The following TRPM6 variants were observed in gnomAD, a reference collection of about 807,000 sequenced individuals.
The protein encoded by TRPM6 is channel kinase 2.
TRPM6 carries 111 observed loss-of-function variants against 247.6 expected under a neutral mutation model. The observed-to-expected ratio is 0.45, with a 90% CI of 0.38 to 0.52. The LOEUF is 0.52. Ranked by LOEUF, TRPM6 falls within the 20% of genes least tolerant of loss-of-function variation. The pLI, the probability that TRPM6 is intolerant of heterozygous loss-of-function variation, is 0.00. For missense variants in TRPM6, 2,126 were observed against 2,421.5 expected (o/e 0.88, Z 2.56); for synonymous variants, 892 against 853.8 (o/e 1.04, Z -0.78).
At chr9:74,813,123 T>C (rs2117913785) in intron 11 of TRPM6, among the ~76,000 whole-genome samples, 1 of 152,352 alleles carries the variant, frequency 6.6e-6, no homozygotes, top group South Asian at 2.1e-4. Context: ...CCATTTAGAC[T>C]CTACCTGGCT....
chr9:74,758,577 C>T lies in TRPM6; in HGVS notation c.4786-3104G>A, dbSNP rs370403581. Among the ~76,000 whole-genome samples, 5 of 152,022 alleles carry T rather than the reference C, an allele frequency of 3.3e-5. No homozygotes were observed. The East Asian group carries it at 5.8e-4, about 18-fold the overall frequency. On this transcript the variant is annotated intron_variant, in intron 27 of 38. Transcript: ENST00000360774. Reference sequence around the variant, plus strand: ...ATACAGAAAAAGCATTTGACAAAGGCTAATATCCATGAATGATAAAAATTC... The same window carrying T: ...ATACAGAAAAAGCATTTGACAAAGGTTAATATCCATGAATGATAAAAATTC...
At chr9:74,863,262 G>T (rs993416707) in intron 1 of TRPM6, among the ~76,000 whole-genome samples, 2 of 151,788 alleles carry the variant, frequency 1.3e-5, no homozygotes, top group East Asian at 4.0e-4. Flanking sequence ...GGCCAGGCTG[G>T]TCTCAAACTC....
intron 15 of TRPM6, among the ~76,000 whole-genome samples, chr9:74,802,824 C>T (rs1005259732): frequency 6.6e-6 from 1 of 152,142 alleles, no homozygotes; most frequent in Non-Finnish European, 1.5e-5. Context: ...TGATAAATCC[C>T]CATTCATCAT....
At chr9:74,838,550 C>CTCTA (rs1472960269) in intron 5 of TRPM6, among the ~76,000 whole-genome samples, 2 of 152,226 alleles carry the variant, frequency 1.3e-5, no homozygotes, top group African/African-American at 4.8e-5. Flanking sequence ...AGGCCCTTGC[C>CTCTA]TCTAGTACAC....
intron 19 of TRPM6, 28 bp from the exon 20 acceptor site, chr9:74,788,770 TGTGA>T: frequency 6.2e-7 from 1 of 1,612,262 alleles, no homozygotes; most frequent in South Asian, 1.1e-5. Flanking sequence ...ATTCCCCAGA[TGTGA>T]GTGAGAGCAA....
chr9:74,785,943 G>A lies in TRPM6; in HGVS notation c.2850C>T (p.Phe950=). The A allele has an allele frequency of 6.2e-7, 1 of 1,614,232 alleles. No homozygotes were observed. The highest frequency in any genetic ancestry group is 1.1e-5 in the South Asian group (1 of 91,088). The change falls in exon 21 of 39, where the codon TTC becomes TTT. Residue 950 remains phenylalanine (F), a synonymous_variant. Transcript: ENST00000360774. ...LIYCIDIIFW[F]SRLLDFFAVN... ...CAGCAAAGAAGTCCAGGAGCCGTGAGAACCAGAATATGATGTCTATGCAGT... is the reference window on the plus strand; with the variant it reads ...CAGCAAAGAAGTCCAGGAGCCGTGAAAACCAGAATATGATGTCTATGCAGT...
chr9:74,776,959 A>T (rs914377433), intron 23 of TRPM6, among the ~76,000 whole-genome samples: 2 of 152,204 alleles, frequency 1.3e-5, no homozygotes, highest in Admixed American at 1.3e-4. Context: ...AAACACAGAT[A>T]ACCCATAACT....
intron 21 of TRPM6, among the ~76,000 whole-genome samples, chr9:74,785,069 T>C (rs748056414): frequency 7.9e-5 from 12 of 152,260 alleles, no homozygotes; most frequent in Middle Eastern, 3.4e-3. Context: ...ATCGCACCAC[T>C]GCACTCCAGC....
intron 30 of TRPM6, among the ~76,000 whole-genome samples, chr9:74,749,804 G>A (rs1826176443): frequency 6.6e-6 from 1 of 152,206 alleles, no homozygotes; most frequent in Admixed American, 6.5e-5. Flanking sequence ...AGAAAGTCAT[G>A]TGTCCTTTAA....
At chr9:74,785,636 C>T (rs963980201) in intron 21 of TRPM6, among the ~76,000 whole-genome samples, 1 of 152,152 alleles carries the variant, frequency 6.6e-6, no homozygotes, top group Non-Finnish European at 1.5e-5. Flanking sequence ...TATTCTCCCG[C>T]CTCAGCCTCC....
chr9:74,732,588 T>C, intron 37 of TRPM6, 97 bp downstream of exon 37: 1 of 930,848 alleles, frequency 1.1e-6, no homozygotes, highest in Non-Finnish European at 1.7e-6. Flanking sequence ...CTTTCTAGGA[T>C]CTAGGCAGGG....
At chr9:74,805,880 C>G (rs1828509651) in intron 14 of TRPM6, among the ~76,000 whole-genome samples, 1 of 152,076 alleles carries the variant, frequency 6.6e-6, no homozygotes, top group Admixed American at 6.6e-5. Flanking sequence ...AGTAGTTAGA[C>G]CAGTTCAGAA....
chr9:74,850,611 T>C (rs1830270707), intron 3 of TRPM6, among the ~76,000 whole-genome samples: 1 of 151,746 alleles, frequency 6.6e-6, no homozygotes, highest in South Asian at 2.1e-4. Flanking sequence ...TCCCAGCTTC[T>C]CGGGAGGCTG....
intron 1 of TRPM6, among the ~76,000 whole-genome samples, chr9:74,865,113 G>A (rs1033975910): frequency 1.3e-5 from 2 of 151,372 alleles, no homozygotes; most frequent in South Asian, 2.1e-4. Flanking sequence ...TGAATTTCTA[G>A]ATTATATAAA....
intron 9 of TRPM6, 83 bp from the exon 10 acceptor site, chr9:74,817,047 T>C: frequency 8.4e-7 from 1 of 1,189,354 alleles, no homozygotes; most frequent in East Asian, 2.3e-5. Context: ...GAATTCAGAC[T>C]GGAGCTAATG....
intron 1 of TRPM6, among the ~76,000 whole-genome samples, chr9:74,884,616 A>G (rs1831475087): frequency 6.6e-6 from 1 of 152,194 alleles, no homozygotes; most frequent in Non-Finnish European, 1.5e-5. Context: ...GAGGGGGAGT[A>G]GTTGAGGGGT....
intron 6 of TRPM6, among the ~76,000 whole-genome samples, chr9:74,832,875 AC>A (rs1015848306): frequency 9.9e-5 from 15 of 151,976 alleles, no homozygotes; most frequent in Non-Finnish European, 1.3e-4. Context: ...ACATGGTGAA[AC>A]CCTGTCTCTA....
At chr9:74,737,512 T>TTGTTTA in intron 36 of TRPM6, 5 of 946,402 alleles carry the variant, frequency 5.3e-6, no homozygotes, top group African/African-American at 1.7e-5. Context: ...ATAAGATGGT[T>TTGTTTA]ATACCCTCTA....
At chr9:74,824,823 T>C (rs951311829) in intron 7 of TRPM6, among the ~76,000 whole-genome samples, 2 of 152,060 alleles carry the variant, frequency 1.3e-5, no homozygotes, top group African/African-American at 2.4e-5. Context: ...GAAGCTGACA[T>C]TGGCCACATT....
Sources: gnomAD v4.1 joint callset for allele counts (sites outside exome capture counted in the v4.1 genomes callset) on GRCh38, gnomAD v4.1.1 for gene constraint, MANE v1.5 for transcripts, NCBI Gene and HGNC (gene_info 2026-07-23, HGNC 2026-07-21) for gene names.